Variants in GALNT2 observed in about 807,000 individuals in gnomAD.
The protein encoded by GALNT2 is UDP-GalNAc:polypeptide N-acetylgalactosaminyltransferase 2.
A neutral mutation model predicts 81.4 loss-of-function variants in GALNT2; 31 were observed. The observed-to-expected ratio is 0.38, with a 90% CI of 0.29 to 0.51. GALNT2 has a LOEUF of 0.51. GALNT2 is among the 20% of genes least tolerant of loss of function. The pLI is 0.87. For synonymous variants in GALNT2, 303 were observed against 287.4 expected (o/e 1.05, Z -0.55); for missense variants, 629 against 765.7 (o/e 0.82, Z 2.11).
At position 230,170,279 on chromosome 1, in the gene GALNT2, C is replaced by T. The variant is rs555352170; in HGVS notation, c.127-7939C>T. On this transcript the variant is annotated intron_variant, in intron 1 of 15. Transcript: ENST00000366672. Reference sequence around the variant, plus strand: ...GGAGGGCCCATGGCTACTTCTGCTACATGGGGCACAAAACATGCTTCAGAA... The same window carrying T: ...GGAGGGCCCATGGCTACTTCTGCTATATGGGGCACAAAACATGCTTCAGAA... Among the ~76,000 whole-genome samples the T allele has an allele frequency of 2.0e-5, 3 of 152,326 alleles. No individual in the cohort carries two copies. The East Asian group carries it at 5.8e-4, about 29-fold the overall frequency.
intron 3 of GALNT2, among the ~76,000 whole-genome samples, chr1:230,207,824 TC>T (rs1664112570): frequency 6.6e-6 from 1 of 152,154 alleles, no homozygotes; most frequent in Non-Finnish European, 1.5e-5. Flanking sequence ...CAAGCAATTC[TC>T]CCGCCTTGGC....
intron 1 of GALNT2, among the ~76,000 whole-genome samples, chr1:230,136,002 C>T (rs1427339928): frequency 1.3e-5 from 2 of 152,066 alleles, no homozygotes; most frequent in African/African-American, 4.8e-5. Flanking sequence ...CAAGTGCTCT[C>T]TTTCTGATCC....
rs1263640208 is a variant in GALNT2, at chr1:230,262,643, G to A, written c.1207G>A (p.Ala403Thr). The change falls in exon 12 of 16, where the codon GCT becomes ACT. Residue 403 changes from alanine to threonine, a missense_variant. Coordinates refer to ENST00000366672, the MANE Select transcript of GALNT2 (RefSeq NM_004481.5). Reference protein sequence around the residue: ...KNFYYAAVPSARNVPYGNIQS... With the variant: ...KNFYYAAVPSTRNVPYGNIQS... ...TTTCTATTATGCAGCAGTGCCTTCTGCTAGAAACGTTCCTTATGGAAAGTA... is the reference window on the plus strand; with the variant it reads ...TTTCTATTATGCAGCAGTGCCTTCTACTAGAAACGTTCCTTATGGAAAGTA... 1 of 1,613,840 alleles carries A rather than the reference G, an allele frequency of 6.2e-7. No homozygotes were observed. The highest frequency in any genetic ancestry group is 8.5e-7 in the Non-Finnish European group (1 of 1,179,854).
Position 230,279,068 on chromosome 1 carries a change from C to T in GALNT2, c.1561-235C>T, listed in dbSNP as rs573373369. On this transcript the variant is annotated intron_variant, in intron 15 of 15. Coordinates refer to ENST00000366672, the MANE Select transcript of GALNT2 (RefSeq NM_004481.5). The surrounding 1 kb of genome is among the most constrained non-coding windows in gnomAD (Gnocchi z 4.6). ...CCCACAGAAAGTTTGGGGCAGGAGA[C>T]GTTCTGAGTTTTGATCCAAGGCAGA... Among the ~76,000 whole-genome samples the T allele has an allele frequency of 4.6e-5, 7 of 152,278 alleles. No homozygotes were observed. The highest frequency in any genetic ancestry group is 3.4e-3 in the Middle Eastern group (1 of 294).
At chr1:230,203,632 G>A (rs1220755696) in intron 3 of GALNT2, among the ~76,000 whole-genome samples, 1 of 152,134 alleles carries the variant, frequency 6.6e-6, no homozygotes, top group African/African-American at 2.4e-5. Flanking sequence ...TGCAAAATTT[G>A]TCATTGTTCC....
chr1:230,121,144 C>G (rs1024743970), intron 1 of GALNT2, among the ~76,000 whole-genome samples: 2 of 152,200 alleles, frequency 1.3e-5, no homozygotes, highest in Non-Finnish European at 2.9e-5. Context: ...GGCATAGAGC[C>G]ACTTCCTTGT....
chr1:230,236,671 G>A lies in GALNT2; in HGVS notation c.553G>A (p.Ala185Thr). The A allele has an allele frequency of 1.9e-6, 3 of 1,613,080 alleles. No homozygotes were observed. The highest frequency in any genetic ancestry group is 2.5e-6 in the Non-Finnish European group (3 of 1,179,754). The part of the protein sequence containing the change: ...DDYSNDPEDG[A>T]LLGKIEKVRV... Reference sequence around the variant, plus strand: ...TTTTCTTTTCCTAGCTGAGGACGGGGCTCTCTTGGGGAAAATTGAGAAAGT... The same window carrying A: ...TTTTCTTTTCCTAGCTGAGGACGGGACTCTCTTGGGGAAAATTGAGAAAGT... The change falls in exon 6 of 16, where the codon GCT becomes ACT. Residue 185 changes from alanine to threonine, a missense_variant. Ala to Thr is a moderately conservative substitution (Grantham distance 58). Coordinates refer to ENST00000366672, the MANE Select transcript of GALNT2 (RefSeq NM_004481.5).
chr1:230,262,491 C>A, intron 11 of GALNT2, 82 bp from the exon 12 acceptor site: 2 of 1,229,582 alleles, frequency 1.6e-6, no homozygotes, highest in Non-Finnish European at 2.4e-6. Flanking sequence ...CCGCCTCAGT[C>A]ACACGCCAGC....
intron 8 of GALNT2, 44 bp downstream of exon 8, chr1:230,246,194 C>A: frequency 7.3e-7 from 1 of 1,366,756 alleles, no homozygotes; most frequent in Non-Finnish European, 1.0e-6. Context: ...GTCCCGTCTA[C>A]ACCAGCATCT....
intron 3 of GALNT2, among the ~76,000 whole-genome samples, chr1:230,216,973 C>T (rs974250287): frequency 6.6e-6 from 1 of 152,056 alleles, no homozygotes; most frequent in Non-Finnish European, 1.5e-5. Flanking sequence ...TTTATATTCA[C>T]TGAAGATTTA....
intron 1 of GALNT2, among the ~76,000 whole-genome samples, chr1:230,161,581 T>C (rs1275762118): frequency 6.6e-6 from 1 of 152,222 alleles, no homozygotes; most frequent in Non-Finnish European, 1.5e-5. Context: ...CTTAAGATAC[T>C]CATGACTTTA....
intron 1 of GALNT2, among the ~76,000 whole-genome samples, chr1:230,132,445 T>C (rs1661398264): frequency 6.6e-6 from 1 of 152,180 alleles, no homozygotes; most frequent in South Asian, 2.1e-4. Context: ...CACAGCTCCT[T>C]GAACCCTGTG....
chr1:230,242,671 C>T (rs1034226492), intron 6 of GALNT2, among the ~76,000 whole-genome samples: 2 of 152,116 alleles, frequency 1.3e-5, no homozygotes, highest in African/African-American at 4.8e-5. Flanking sequence ...CACAGGCGCA[C>T]GCACAGGCCA....
At chr1:230,163,257 C>G (rs1334264206) in intron 1 of GALNT2, among the ~76,000 whole-genome samples, 1 of 152,256 alleles carries the variant, frequency 6.6e-6, no homozygotes, top group Non-Finnish European at 1.5e-5. Context: ...CCAGGCCCCA[C>G]TTGGAACAAG....
intron 15 of GALNT2, among the ~76,000 whole-genome samples, chr1:230,278,782 G>A (rs1203960128): frequency 1.3e-5 from 2 of 152,160 alleles, no homozygotes; most frequent in Non-Finnish European, 2.9e-5. Context: ...CCTGACATTT[G>A]GCCTGACACC....
At chr1:230,204,974 G>A (rs1047298101) in intron 3 of GALNT2, among the ~76,000 whole-genome samples, 2 of 152,180 alleles carry the variant, frequency 1.3e-5, no homozygotes, top group Non-Finnish European at 2.9e-5. Flanking sequence ...CAGGAGGGTG[G>A]GAGGGTCAGG....
intron 15 of GALNT2, among the ~76,000 whole-genome samples, chr1:230,277,984 A>G (rs1483944307): frequency 6.6e-6 from 1 of 152,016 alleles, no homozygotes; most frequent in African/African-American, 2.4e-5. Context: ...TGCACACAGT[A>G]TAAAAAATTA....
intron 1 of GALNT2, among the ~76,000 whole-genome samples, chr1:230,153,593 G>A (rs1430835629): frequency 1.3e-5 from 2 of 152,312 alleles, no homozygotes; most frequent in East Asian, 3.9e-4. Flanking sequence ...AACATCTGAG[G>A]ACGCCTTCCA....
intron 1 of GALNT2, among the ~76,000 whole-genome samples, chr1:230,093,537 T>G (rs1660156006): frequency 6.6e-6 from 1 of 152,202 alleles, no homozygotes; most frequent in African/African-American, 2.4e-5. Flanking sequence ...GCTTCACTCC[T>G]GGGAGGCAGC....
Sources: gnomAD v4.1 joint callset for allele counts (sites outside exome capture counted in the v4.1 genomes callset) on GRCh38, gnomAD v4.1.1 for gene constraint, Gnocchi (gnomAD v3.1) non-coding constraint, MANE v1.5 for transcripts, NCBI Gene and HGNC (gene_info 2026-07-23, HGNC 2026-07-21) for gene names.